Variants in WASHC4 observed in about 807,000 individuals in gnomAD.
The protein encoded by WASHC4 is WASH complex subunit 7.
Under a neutral mutation model 166.6 loss-of-function variants are expected in WASHC4, and 86 were observed. The ratio of observed to expected loss-of-function variants is 0.52; its 90% CI spans 0.43 to 0.62. The LOEUF is 0.62. WASHC4 is among the 20% of genes least tolerant of loss of function. The pLI, the probability that WASHC4 is intolerant of heterozygous loss-of-function variation, is 0.00. For missense variants in WASHC4, 1,262 were observed against 1,382.4 expected, an observed-to-expected ratio of 0.91 and a Z score of 1.38; for synonymous variants, 446 against 451.6, an observed-to-expected ratio of 0.99 and a Z score of 0.16.
At chr12:105,140,828 TCAAG>T in intron 16 of WASHC4, 67 bp from the exon 17 acceptor site, 1 of 1,129,626 alleles carries the variant, frequency 8.9e-7, no homozygotes, top group Non-Finnish European at 1.2e-6. Flanking sequence ...GAAAAGATAA[TCAAG>T]AAGTTTTTCT....
chr12:105,165,630 ATT>A lies in WASHC4; in HGVS notation c.3454+893_3454+894del, dbSNP rs546395500. On this transcript the variant is annotated intron_variant, in intron 32 of 32. Coordinates refer to ENST00000332180, the MANE Select transcript of WASHC4 (RefSeq NM_015275.3). Reference sequence around the variant, plus strand: ...AAAACAAGATGTTTTTATTAATCTTATTTTATGTTAATTTTTAAAATACACCT... The same window carrying A: ...AAAACAAGATGTTTTTATTAATCTTATTATGTTAATTTTTAAAATACACCT... 2.2e-3 allele frequency among the ~76,000 whole-genome samples: 336 copies of A among 152,262 alleles called. 2 individuals carry two copies. Among genetic ancestry groups the A allele is most frequent in the African/African-American group, 7.9e-3 (327 of 41,570 alleles).
At chr12:105,142,948 ATATT>A (rs1229552810) in intron 19 of WASHC4, among the ~76,000 whole-genome samples, 175 bp from the exon 20 acceptor site, 1 of 151,986 alleles carries the variant, frequency 6.6e-6, no homozygotes, top group Non-Finnish European at 1.5e-5. Flanking sequence ...TTTTTTGGGT[ATATT>A]TAGTTAAAGT....
Position 105,149,179 on chromosome 12 carries a change from T to C in WASHC4, c.2515-436T>C, listed in dbSNP as rs1218873208. The C allele has an allele frequency of 4.1e-6, 4 of 985,238 alleles. No individual in the cohort carries two copies. The Admixed American group carries it at 2.5e-4, about 61-fold the overall frequency. The allele number at this position is 985,238 out of a possible 1,614,324, so 61.0% of individuals were successfully genotyped here. The stretch of plus-strand genomic sequence containing the variant: ...GATAGATAATTGAATATGTGGTATC[T>C]TCAGGAAGGTTCAGAGAACACCATG... On this transcript the variant is annotated intron_variant, in intron 24 of 32. Coordinates refer to ENST00000332180, the MANE Select transcript of WASHC4 (RefSeq NM_015275.3).
chr12:105,129,688 G>A (rs1881624777), intron 13 of WASHC4, among the ~76,000 whole-genome samples: 1 of 152,162 alleles, frequency 6.6e-6, no homozygotes, highest in East Asian at 1.9e-4. Flanking sequence ...GCCTTTAAAA[G>A]AGAAATCTGT....
chr12:105,157,731 A>G (rs1485492169), intron 28 of WASHC4, among the ~76,000 whole-genome samples: 3 of 152,188 alleles, frequency 2.0e-5, no homozygotes, highest in Admixed American at 6.5e-5. Flanking sequence ...GTCCTTTCTT[A>G]TATGTAATCT....
intron 25 of WASHC4, among the ~76,000 whole-genome samples, chr12:105,151,542 C>T (rs1208858167): frequency 6.6e-6 from 1 of 151,708 alleles, no homozygotes; most frequent in East Asian, 1.9e-4. Flanking sequence ...AGTGCAGTGG[C>T]ACAGTCTCAG....
Position 105,167,018 on chromosome 12 carries a change from G to A in WASHC4, c.*87G>A. 1 of 878,658 alleles carries A rather than the reference G, an allele frequency of 1.1e-6. No individual in the cohort carries two copies. Among genetic ancestry groups the A allele is most frequent in the Non-Finnish European group, 1.9e-6 (1 of 523,800 alleles). 54.4% of individuals were successfully genotyped at this position (878,658 alleles called of 1,614,324 possible). On this transcript the variant is annotated 3_prime_UTR_variant, in exon 33 of 33. Transcript: ENST00000332180. ...GGAATGGATAAACTATTGATGAATT[G>A]TTTCCTGGGTCACATCTCTGGAAAA...
At chr12:105,140,445 T>C (rs762683146) in intron 16 of WASHC4, 44 bp downstream of exon 16, 1 of 1,370,790 alleles carries the variant, frequency 7.3e-7, no homozygotes, top group South Asian at 1.2e-5. Flanking sequence ...GTTATCTTTT[T>C]TGTTTGTTCT....
chr12:105,118,414 C>G (rs752776642), intron 6 of WASHC4, 32 bp from the exon 7 acceptor site: 3 of 1,448,064 alleles, frequency 2.1e-6, no homozygotes, highest in Non-Finnish European at 1.9e-6. Flanking sequence ...TAAAGAGTAA[C>G]TTTATAATAT....
intron 10 of WASHC4, among the ~76,000 whole-genome samples, chr12:105,123,877 A>G (rs12307372): frequency 0.13 from 19,932 of 152,064 alleles, 1,509 homozygotes; most frequent in African/African-American, 0.22. Flanking sequence ...CCATTCTGAA[A>G]ATCTTAGGGC....
chr12:105,135,766 C>A (rs1173526685), intron 14 of WASHC4, among the ~76,000 whole-genome samples: 6 of 151,988 alleles, frequency 3.9e-5, no homozygotes, highest in Non-Finnish European at 8.8e-5. Flanking sequence ...TTACAGTTCT[C>A]TTCTGAGATA....
At chr12:105,118,066 A>T (rs1425917838) in intron 6 of WASHC4, among the ~76,000 whole-genome samples, 1 of 152,182 alleles carries the variant, frequency 6.6e-6, no homozygotes, top group Non-Finnish European at 1.5e-5. Context: ...ACTCACTCAG[A>T]TGTTTATTCA....
chr12:105,143,352 T>G, intron 20 of WASHC4, 109 bp downstream of exon 20: 1 of 688,204 alleles, frequency 1.5e-6, no homozygotes, highest in East Asian at 2.8e-5. Context: ...ATTTATAAAT[T>G]GCTGGGTAGA....
chr12:105,115,334 ATAAG>A (rs754088305), intron 5 of WASHC4, 105 bp downstream of exon 5: 17 of 794,800 alleles, frequency 2.1e-5, no homozygotes, highest in African/African-American at 8.7e-5. Context: ...TGTGAGAAAA[ATAAG>A]TATTCATATT....
chr12:105,149,582 C>A (rs1042502418), intron 24 of WASHC4, 33 bp from the exon 25 acceptor site: 40 of 1,273,724 alleles, frequency 3.1e-5, no homozygotes, highest in Non-Finnish European at 4.4e-5. Context: ...TTTATATTAA[C>A]TTTTTTCAAC....
intron 6 of WASHC4, among the ~76,000 whole-genome samples, chr12:105,116,398 T>C (rs955362833): frequency 1.3e-5 from 2 of 152,176 alleles, no homozygotes; most frequent in Non-Finnish European, 2.9e-5. Flanking sequence ...TTTGGTCTAA[T>C]TGATCTAATT....
At chr12:105,158,702 A>G (rs1175646243) in intron 28 of WASHC4, among the ~76,000 whole-genome samples, 1 of 152,212 alleles carries the variant, frequency 6.6e-6, no homozygotes, top group Non-Finnish European at 1.5e-5. Context: ...ATATTAGTTA[A>G]TACTGTATTA....
At chr12:105,109,089 T>A (rs1439835914) in intron 1 of WASHC4, among the ~76,000 whole-genome samples, 1 of 152,174 alleles carries the variant, frequency 6.6e-6, no homozygotes, top group Non-Finnish European at 1.5e-5. Flanking sequence ...TGAGCCGAGA[T>A]CGCGCCATTG....
chr12:105,137,179 T>C (rs1267018810), intron 14 of WASHC4, among the ~76,000 whole-genome samples: 1 of 34,444 alleles, frequency 2.9e-5, no homozygotes, highest in East Asian at 0.028. Flanking sequence ...AATATCCCTT[T>C]TTTCCTTTAT....
Sources: allele counts gnomAD v4.1 joint callset (sites outside exome capture counted in the v4.1 genomes callset), GRCh38; gene constraint gnomAD v4.1.1; transcripts MANE v1.5; gene names NCBI Gene and HGNC (gene_info 2026-07-23, HGNC 2026-07-21).